C20orf203: variants seen among roughly 807,000 people sequenced by gnomAD.
C20orf203 encodes uncharacterized protein C20orf203.
Under a neutral mutation model 15.9 loss-of-function variants are expected in C20orf203, and 16 were observed. That is an observed-to-expected ratio of 1.01 (90% CI 0.68 to 1.53). The LOEUF (loss-of-function observed/expected upper bound fraction) is 1.53, where lower values mean the gene tolerates loss of function less well. C20orf203 is among the 40% of genes most tolerant of loss of function. The pLI is 0.00. For synonymous variants in C20orf203, 98 were observed against 97.2 expected (o/e 1.01, Z -0.05); for missense variants, 263 against 247.5 (o/e 1.06, Z -0.42).
In C20orf203 at chr20:32,637,456, G is replaced by A. The variant is rs78917576; in HGVS notation, c.*1299+3110C>T. 4.6e-3 allele frequency among the ~76,000 whole-genome samples: 706 copies of A among 152,220 alleles called. 3 individuals carry two copies. The highest frequency in any genetic ancestry group is 6.7e-3 in the Non-Finnish European group (458 of 68,006). ...AGAAAGAAAAAGAAACGAATGAGTA[G>A]ACAACGAAACAGTAATCTTGCCTCC... is the stretch of plus-strand genomic sequence containing the variant. On this transcript the variant is annotated intron_variant, in intron 5 of 5. Coordinates refer to ENST00000608990, the MANE Select transcript of C20orf203 (RefSeq NM_182584.4).
Position 32,644,975 on chromosome 20 carries a change from C to T in C20orf203, c.*1177+4280G>A, listed in dbSNP as rs141626810. 5.1e-3 allele frequency among the ~76,000 whole-genome samples: 772 copies of T among 152,100 alleles called. 4 individuals carry two copies. The highest frequency in any genetic ancestry group is 0.018 in the African/African-American group (740 of 41,496). On this transcript the variant is annotated intron_variant, in intron 4 of 5. Coordinates refer to ENST00000608990, the MANE Select transcript of C20orf203 (RefSeq NM_182584.4). Reference sequence around the variant, plus strand: ...ATTCAAGCTCCAAGATTGGGTTTGGCTCGCCAGCCCCAGTGCCACCACACG... The same window carrying T: ...ATTCAAGCTCCAAGATTGGGTTTGGTTCGCCAGCCCCAGTGCCACCACACG...
At chr20:32,668,478 T>C (rs1339979536) in intron 1 of C20orf203, among the ~76,000 whole-genome samples, 1 of 151,780 alleles carries the variant, frequency 6.6e-6, no homozygotes, top group East Asian at 1.9e-4. Context: ...ATACAAAAAT[T>C]AGCTGGGCGT....
chr20:32,651,902 G>T lies in C20orf203; in HGVS notation c.-184C>A, dbSNP rs1049732031. On this transcript the variant is annotated 5_prime_UTR_variant, in exon 2 of 6. Coordinates refer to ENST00000608990, the MANE Select transcript of C20orf203 (RefSeq NM_182584.4). ...TGTTGACATTTGTTGAGCATCTACT[G>T]GATGCAGGGTCCTGAACAAGACCCC... 3.9e-5 allele frequency: 6 copies of T among 152,204 alleles called. No individual in the cohort carries two copies. Among genetic ancestry groups the T allele is most frequent in the African/African-American group, 1.4e-4 (6 of 41,440 alleles). The allele number at this position is 152,204 out of a possible 1,614,324, so 9.4% of individuals were successfully genotyped here.
intron 1 of C20orf203, among the ~76,000 whole-genome samples, chr20:32,662,041 G>A (rs929262886): frequency 2.6e-5 from 4 of 152,200 alleles, no homozygotes; most frequent in African/African-American, 9.7e-5. Flanking sequence ...AATCAGAACT[G>A]GGAGTTGCCC....
In C20orf203 at chr20:32,650,069, G is replaced by A. The variant is rs962663168; in HGVS notation, c.*363C>T. ...GGATGTGGGGTGGGAGTGACACACA[G>A]GAGTACTGCAGCCTCCTCCCAGCAC... On this transcript the variant is annotated 3_prime_UTR_variant, in exon 4 of 6. Transcript: ENST00000608990. 4.5e-6 allele frequency: 1 copy of A among 223,956 alleles called. No homozygotes were observed. The highest frequency in any genetic ancestry group is 2.3e-5 in the African/African-American group (1 of 44,428). The allele number at this position is 223,956 out of a possible 1,614,324, so 13.9% of individuals were successfully genotyped here.
intron 4 of C20orf203, among the ~76,000 whole-genome samples, chr20:32,645,405 G>T (rs1053994397): frequency 6.6e-5 from 10 of 152,128 alleles, no homozygotes; most frequent in Admixed American, 5.9e-4. Flanking sequence ...GGGGAGGGGG[G>T]CCCATCATAC....
chr20:32,672,465 C>T (rs1311710044), intron 1 of C20orf203, among the ~76,000 whole-genome samples: 1 of 150,688 alleles, frequency 6.6e-6, no homozygotes, highest in Non-Finnish European at 1.5e-5. Context: ...CCTAGCTACT[C>T]AAGAGGCTGA....
Position 32,650,709 on chromosome 20 carries a change from C to T in C20orf203, c.308G>A (p.Gly103Glu), listed in dbSNP as rs1472908241. ...YQERIWVGGE[G>E]WGEVGGLRLS... Reference sequence around the variant, plus strand: ...CCTGAGGCCTCCAACTTCCCCCCACCCCTCCCCACCAACCCAAATCCTTTC... The same window carrying T: ...CCTGAGGCCTCCAACTTCCCCCCACTCCTCCCCACCAACCCAAATCCTTTC... Residue 103 changes from glycine (G) to glutamate (E), a missense_variant, in exon 4 of 6, where the codon GGG becomes GAG. By Grantham distance (98) the Gly-to-Glu change is moderately conservative. Transcript: ENST00000608990. 4 of 1,547,530 alleles carry T rather than the reference C, an allele frequency of 2.6e-6. No individual in the cohort carries two copies. The highest frequency in any genetic ancestry group is 3.5e-6 in the Non-Finnish European group (4 of 1,145,284).
chr20:32,660,016 C>T (rs763883343), intron 1 of C20orf203, among the ~76,000 whole-genome samples: 2 of 152,224 alleles, frequency 1.3e-5, no homozygotes, highest in East Asian at 1.9e-4. Flanking sequence ...TGTATGCCAG[C>T]GCATTTGCTC....
chr20:32,646,520 A>T (rs1009120712), intron 4 of C20orf203, among the ~76,000 whole-genome samples: 1 of 152,020 alleles, frequency 6.6e-6, no homozygotes, highest in Admixed American at 6.5e-5. Context: ...ATGAGGATTA[A>T]ACTGTGTGTC....
At position 32,633,849 on chromosome 20, in the gene C20orf203, C is replaced by G. The variant is rs73903911; in HGVS notation, c.*1721G>C. The G allele has an allele frequency of 4.6e-5, 18 of 394,502 alleles. No homozygotes were observed. Among genetic ancestry groups the G allele is most frequent in the Non-Finnish European group, 5.8e-5 (13 of 224,004 alleles). The allele number at this position is 394,502 out of a possible 1,614,324, so 24.4% of individuals were successfully genotyped here. On this transcript the variant is annotated 3_prime_UTR_variant, in exon 6 of 6. Coordinates refer to ENST00000608990, the MANE Select transcript of C20orf203 (RefSeq NM_182584.4). ...CTCCTTTCATGGAAGGAGGTCTTGC[C>G]GTCTGCCTCCCTACTCCTGACTTGG...
intron 4 of C20orf203, among the ~76,000 whole-genome samples, chr20:32,646,842 C>A (rs981146917): frequency 6.6e-6 from 1 of 152,222 alleles, no homozygotes; most frequent in Non-Finnish European, 1.5e-5. Flanking sequence ...CCCATGCATG[C>A]CTTGGGTGCC....
At chr20:32,643,625 C>CA (rs1982342367) in intron 4 of C20orf203, among the ~76,000 whole-genome samples, 60 of 140,848 alleles carry the variant, frequency 4.3e-4, no homozygotes, top group African/African-American at 1.5e-3. Context: ...CTTCCTGGAA[C>CA]CACACACACA....
intron 1 of C20orf203, among the ~76,000 whole-genome samples, chr20:32,668,116 G>A (rs915665171): frequency 6.6e-6 from 1 of 152,154 alleles, no homozygotes; most frequent in African/African-American, 2.4e-5. Context: ...GTCTTCATCC[G>A]GACACCAGAG....
rs1306142136 is a variant in C20orf203, at chr20:32,631,925, T to A, written c.*3645A>T. On this transcript the variant is annotated 3_prime_UTR_variant, in exon 6 of 6. Transcript: ENST00000608990. Reference sequence around the variant, plus strand: ...GCTGGTTTCCACAGCAGCAGTAGCATACGCAGGTCCCTGCAATCTGGAGGT... The same window carrying A: ...GCTGGTTTCCACAGCAGCAGTAGCAAACGCAGGTCCCTGCAATCTGGAGGT... 6.6e-6 allele frequency: 1 copy of A among 152,220 alleles called. No homozygotes were observed. The highest frequency in any genetic ancestry group is 2.4e-5 in the African/African-American group (1 of 41,436). 9.4% of individuals were successfully genotyped at this position (152,220 alleles called of 1,614,324 possible). A position where few individuals can be genotyped will look rare whatever the true frequency, so the allele number is the denominator to read the frequency against.
At chr20:32,634,814 A>G (rs2030891138) in intron 5 of C20orf203, among the ~76,000 whole-genome samples, 2 of 152,342 alleles carry the variant, frequency 1.3e-5, no homozygotes, top group African/African-American at 4.8e-5. Flanking sequence ...ATATATATAT[A>G]TATATGAAAT....
At chr20:32,658,208 T>C (rs1200405721) in intron 1 of C20orf203, among the ~76,000 whole-genome samples, 2 of 152,148 alleles carry the variant, frequency 1.3e-5, no homozygotes, top group African/African-American at 2.4e-5. Context: ...CCTGGCATTC[T>C]GATTTTTAAG....
Position 32,650,545 on chromosome 20 carries a change from T to A in C20orf203, c.472A>T (p.Thr158Ser). ...FGQALSSLAWTSTCFQDFCLP... is the reference protein window; with the variant it reads ...FGQALSSLAWSSTCFQDFCLP... ...CAGAAGTCCTGGAAACATGTTGAGGTCCAGGCCAGCGAGGACAGAGCTTGG... is the reference window on the plus strand; with the variant it reads ...CAGAAGTCCTGGAAACATGTTGAGGACCAGGCCAGCGAGGACAGAGCTTGG... Residue 158 changes from threonine (T) to serine (S), a missense_variant, in exon 4 of 6, where the codon ACC (threonine) becomes TCC (serine). By Grantham distance (58) the Thr-to-Ser change is moderately conservative. Transcript: ENST00000608990. 3 of 1,549,856 alleles carry A rather than the reference T, an allele frequency of 1.9e-6. No homozygotes were observed. Among genetic ancestry groups the A allele is most frequent in the Non-Finnish European group, 2.6e-6 (3 of 1,146,368 alleles).
At chr20:32,652,425 G>A (rs1982658733) in intron 1 of C20orf203, among the ~76,000 whole-genome samples, 1 of 151,964 alleles carries the variant, frequency 6.6e-6, no homozygotes, top group Admixed American at 6.6e-5. Flanking sequence ...TGGGATGGCG[G>A]GGAGATGCTG....
Sources: gnomAD v4.1 joint callset for allele counts (sites outside exome capture counted in the v4.1 genomes callset) on GRCh38, gnomAD v4.1.1 for gene constraint, MANE v1.5 for transcripts, NCBI Gene and HGNC (gene_info 2026-07-23, HGNC 2026-07-21) for gene names.